Variants in MEI4 observed in about 807,000 individuals in gnomAD.
The protein encoded by MEI4 is meiosis-specific protein MEI4.
Under a neutral mutation model 31.4 loss-of-function variants are expected in MEI4, and 27 were observed. The ratio of observed to expected loss-of-function variants is 0.86; its 90% CI spans 0.63 to 1.19. The LOEUF is 1.19. MEI4 is among the 50% of genes most tolerant of loss of function. The pLI is 0.00. For missense variants in MEI4, 329 were observed against 398.9 expected (o/e 0.82, Z 1.49); for synonymous variants, 122 against 145.4 (o/e 0.84, Z 1.16).
intron 3 of MEI4, among the ~76,000 whole-genome samples, chr6:77,805,366 C>T (rs1472876820): frequency 6.6e-6 from 1 of 152,070 alleles, no homozygotes; most frequent in Non-Finnish European, 1.5e-5. Flanking sequence ...CAGCCTCCCA[C>T]TTTTGATAAT....
At chr6:77,846,941 C>A (rs2127716814) in intron 4 of MEI4, among the ~76,000 whole-genome samples, 1 of 152,238 alleles carries the variant, frequency 6.6e-6, no homozygotes, top group South Asian at 2.1e-4. Context: ...TTTCTCAATG[C>A]AGCTCAGTCA....
At chr6:77,766,932 A>G (rs921416952) in intron 3 of MEI4, among the ~76,000 whole-genome samples, 1 of 152,134 alleles carries the variant, frequency 6.6e-6, no homozygotes, top group Admixed American at 6.6e-5. Context: ...TCCTGTGCTA[A>G]CTTTCCAACA....
intron 3 of MEI4, among the ~76,000 whole-genome samples, chr6:77,781,576 A>G (rs780367249): frequency 3.4e-4 from 51 of 152,146 alleles, no homozygotes; most frequent in Middle Eastern, 3.2e-3. Context: ...AATTTTCAAA[A>G]TATTTTGATT....
chr6:77,856,310 C>T (rs770129611), intron 4 of MEI4, among the ~76,000 whole-genome samples: 29 of 152,120 alleles, frequency 1.9e-4, no homozygotes, highest in African/African-American at 6.5e-4. Context: ...CATTCCTGAA[C>T]CTACCCTTCC....
chr6:77,868,215 T>TAA (rs371736808), intron 4 of MEI4, among the ~76,000 whole-genome samples: 1 of 124,554 alleles, frequency 8.0e-6, no homozygotes, highest in African/African-American at 3.2e-5. Context: ...AGCATAATAA[T>TAA]AAAAAAAAAT....
intron 4 of MEI4, among the ~76,000 whole-genome samples, chr6:77,830,530 T>C (rs997173592): frequency 1.3e-5 from 2 of 152,000 alleles, no homozygotes; most frequent in African/African-American, 4.8e-5. Context: ...GTTCTGACAG[T>C]TAAGATACTT....
chr6:77,738,100 C>G (rs1252171387), intron 2 of MEI4, among the ~76,000 whole-genome samples: 1 of 152,138 alleles, frequency 6.6e-6, no homozygotes, highest in Non-Finnish European at 1.5e-5. Context: ...ATCAAAAGCA[C>G]AGCAAGGAGG....
chr6:77,912,033 T>C (rs1766445854), intron 4 of MEI4, among the ~76,000 whole-genome samples: 1 of 152,032 alleles, frequency 6.6e-6, no homozygotes, highest in Admixed American at 6.6e-5. Flanking sequence ...TCCATTTTCA[T>C]TCTTCCACAT....
chr6:77,761,268 G>A lies in MEI4; in HGVS notation c.371G>A (p.Ser124Asn), dbSNP rs1768037194. ...SSDLSQHFVE[S>N]CTPTHFPPLP... ...GACCTGTCCCAGCACTTTGTGGAAA[G>A]CTGTACCCCCACTCACTTTCCACCA... is the stretch of plus-strand genomic sequence containing the variant. Residue 124 changes from serine (S) to asparagine (N), a missense_variant, in exon 3 of 5, where the codon AGC (serine) becomes AAC (asparagine). Coordinates refer to ENST00000684080, the MANE Select transcript of MEI4 (RefSeq NM_001322247.2). The A allele has an allele frequency of 1.6e-6, 2 of 1,232,502 alleles. No individual in the cohort carries two copies. Among genetic ancestry groups the A allele is most frequent in the Admixed American group, 8.4e-5 (2 of 23,696 alleles). 76.3% of individuals were successfully genotyped at this position (1,232,502 alleles called of 1,614,324 possible). A position where few individuals can be genotyped will look rare whatever the true frequency, so the allele number is the denominator to read the frequency against.
intron 4 of MEI4, among the ~76,000 whole-genome samples, chr6:77,871,584 C>T (rs1331072709): frequency 2.0e-5 from 3 of 152,074 alleles, no homozygotes; most frequent in African/African-American, 7.2e-5. Flanking sequence ...GAAAAACTAT[C>T]TATTGGGTAC....
intron 4 of MEI4, among the ~76,000 whole-genome samples, chr6:77,893,589 T>C (rs567318917): frequency 1.3e-5 from 2 of 152,368 alleles, no homozygotes; most frequent in African/African-American, 2.4e-5. Flanking sequence ...TTGATTGTTA[T>C]GTAATTTCTG....
At chr6:77,669,218 CAT>C (rs575876308) in intron 1 of MEI4, among the ~76,000 whole-genome samples, 123 of 151,996 alleles carry the variant, frequency 8.1e-4, no homozygotes, top group Admixed American at 1.4e-3. Flanking sequence ...AAAGAGGAAG[CAT>C]GTGTGTGTGT....
At chr6:77,763,653 T>G (rs975025873) in intron 3 of MEI4, among the ~76,000 whole-genome samples, 1 of 152,156 alleles carries the variant, frequency 6.6e-6, no homozygotes, top group African/African-American at 2.4e-5. Flanking sequence ...TTTTCATTTC[T>G]TGTAGAGTCT....
At chr6:77,867,468 G>T (rs1251878868) in intron 4 of MEI4, among the ~76,000 whole-genome samples, 2 of 152,172 alleles carry the variant, frequency 1.3e-5, no homozygotes, top group Non-Finnish European at 2.9e-5. Flanking sequence ...ATGAAAAAAT[G>T]CTCATCATCA....
chr6:77,799,799 G>C (rs1234605145), intron 3 of MEI4, among the ~76,000 whole-genome samples: 1 of 152,096 alleles, frequency 6.6e-6, no homozygotes, highest in Non-Finnish European at 1.5e-5. Context: ...AGATCAGATA[G>C]TTGTAGATAT....
intron 4 of MEI4, among the ~76,000 whole-genome samples, chr6:77,919,456 C>G (rs1394275860): frequency 1.3e-5 from 2 of 151,894 alleles, no homozygotes; most frequent in African/African-American, 4.8e-5. Flanking sequence ...CCAACGAGAA[C>G]AAAGACACAA....
rs570769708 is a variant in MEI4, at chr6:77,735,908, C to G, written c.233-25222C>G. On this transcript the variant is annotated intron_variant, in intron 2 of 4. Transcript: ENST00000684080. ...GTACCCGGCCGTGTGAGGTGTCAGT[C>G]TGCCCCTGCTGGGGGATGCCTCCCA... 1.3e-3 allele frequency among the ~76,000 whole-genome samples: 203 copies of G among 152,044 alleles called. 2 individuals carry two copies. Among genetic ancestry groups the G allele is most frequent in the African/African-American group, 4.3e-3 (176 of 41,358 alleles).
At chr6:77,726,274 T>G (rs1436687701) in intron 2 of MEI4, among the ~76,000 whole-genome samples, 2 of 150,892 alleles carry the variant, frequency 1.3e-5, no homozygotes, top group Non-Finnish European at 2.9e-5. Flanking sequence ...GGCAGAAGAA[T>G]TTTTCTTAGT....
At chr6:77,695,101 G>C (rs1765987872) in intron 2 of MEI4, among the ~76,000 whole-genome samples, 1 of 152,144 alleles carries the variant, frequency 6.6e-6, no homozygotes, top group Admixed American at 6.5e-5. Context: ...CCCACTTTTT[G>C]ATGGGGTTGT....
Sources: allele counts gnomAD v4.1 joint callset (sites outside exome capture counted in the v4.1 genomes callset), GRCh38; gene constraint gnomAD v4.1.1; transcripts MANE v1.5; gene names NCBI Gene and HGNC (gene_info 2026-07-23, HGNC 2026-07-21).